ADGRL2: variants seen among roughly 807,000 people sequenced by gnomAD.
The protein encoded by ADGRL2 is calcium-independent alpha-latrotoxin receptor 2.
In ADGRL2, 44 loss-of-function variants were observed where a neutral mutation model predicts 157.4. That is an observed-to-expected ratio of 0.28 (90% CI 0.22 to 0.36). The LOEUF (loss-of-function observed/expected upper bound fraction) is 0.36. ADGRL2 is among the 10% of genes least tolerant of loss of function. ADGRL2 has a pLI of 1.00. For missense variants in ADGRL2, 1,510 were observed against 1,768.9 expected (o/e 0.85, Z 2.63); for synonymous variants, 585 against 624.7 (o/e 0.94, Z 0.95).
chr1:81,964,247 A>C (rs1656387104), intron 11 of ADGRL2, among the ~76,000 whole-genome samples: 1 of 152,074 alleles, frequency 6.6e-6, no homozygotes, highest in South Asian at 2.1e-4. Flanking sequence ...TTGTACATGT[A>C]TATCTATGTT....
At chr1:81,823,374 C>A (rs576244011) in intron 1 of ADGRL2, among the ~76,000 whole-genome samples, 145 of 125,750 alleles carry the variant, frequency 1.2e-3, no homozygotes, top group African/African-American at 4.1e-3. Context: ...TTCCCTCCCC[C>A]CTCCCTCTTT....
At chr1:81,842,375 T>C (rs201673692) in intron 2 of ADGRL2, among the ~76,000 whole-genome samples, 1 of 139,252 alleles carries the variant, frequency 7.2e-6, no homozygotes, top group South Asian at 2.3e-4. Flanking sequence ...TTTTTTTTTT[T>C]AAGATGGAGT....
intron 1 of ADGRL2, among the ~76,000 whole-genome samples, chr1:81,408,221 C>T (rs1417400579): frequency 6.6e-6 from 1 of 152,138 alleles, no homozygotes; most frequent in Non-Finnish European, 1.5e-5. Flanking sequence ...CTTATACAAG[C>T]TAATCTAATA....
intron 2 of ADGRL2, among the ~76,000 whole-genome samples, chr1:81,496,617 A>C (rs976456527): frequency 6.6e-6 from 1 of 152,160 alleles, no homozygotes; most frequent in African/African-American, 2.4e-5. Flanking sequence ...TATGGATAGA[A>C]TGCAAATACT....
At chr1:81,314,137 T>C (rs1382224726) in intron 1 of ADGRL2, among the ~76,000 whole-genome samples, 2 of 152,236 alleles carry the variant, frequency 1.3e-5, no homozygotes, top group Non-Finnish European at 2.9e-5. Flanking sequence ...TGAAAGTACA[T>C]GCTTGTGCCA....
At chr1:81,729,440 A>G (rs987200664) in intron 1 of ADGRL2, among the ~76,000 whole-genome samples, 1 of 152,176 alleles carries the variant, frequency 6.6e-6, no homozygotes, top group Non-Finnish European at 1.5e-5. Context: ...CTGACTTTGC[A>G]AAATTAAATA....
intron 3 of ADGRL2, among the ~76,000 whole-genome samples, chr1:81,651,605 C>T (rs1198361468): frequency 6.6e-6 from 1 of 152,132 alleles, no homozygotes; most frequent in African/African-American, 2.4e-5. Context: ...AGGGTTTCAC[C>T]ACTCTTAAAC....
intron 2 of ADGRL2, among the ~76,000 whole-genome samples, chr1:81,864,041 C>A (rs370025078): frequency 2.6e-5 from 4 of 152,102 alleles, no homozygotes; most frequent in Admixed American, 2.6e-4. Flanking sequence ...TTTTTCTTCA[C>A]GGACACTAAA....
chr1:81,690,133 A>T (rs771866143), intron 3 of ADGRL2, among the ~76,000 whole-genome samples: 12 of 152,162 alleles, frequency 7.9e-5, no homozygotes, highest in African/African-American at 1.2e-4. Flanking sequence ...TGTAACCCAT[A>T]CTATCAACAG....
rs571813467 is a variant in ADGRL2, at chr1:81,993,541, C to T, written c.*2396C>T. On this transcript the variant is annotated 3_prime_UTR_variant, in exon 24 of 24. Transcript: ENST00000686636. The stretch of plus-strand genomic sequence containing the variant: ...TACCTAAATGGCTACTGTTCTCTAA[C>T]GTCTTTATCCTATGGATTCAATTTG... Among the ~76,000 whole-genome samples, 26 of 152,182 alleles carry T rather than the reference C, an allele frequency of 1.7e-4. No individual in the cohort carries two copies. Among genetic ancestry groups the T allele is most frequent in the South Asian group, 6.2e-4 (3 of 4,820 alleles).
chr1:81,673,652 C>T (rs2082922305), intron 3 of ADGRL2, among the ~76,000 whole-genome samples: 1 of 151,516 alleles, frequency 6.6e-6, no homozygotes, highest in African/African-American at 2.4e-5. Flanking sequence ...GGAGCTGGGA[C>T]TACAGGCGCC....
chr1:81,612,102 G>A (rs1439570509), intron 3 of ADGRL2, among the ~76,000 whole-genome samples: 1 of 152,098 alleles, frequency 6.6e-6, no homozygotes, highest in African/African-American at 2.4e-5. Context: ...TATCTTTATA[G>A]CAGTATGAAA....
chr1:81,739,375 G>T (rs1171016983), intron 1 of ADGRL2, among the ~76,000 whole-genome samples: 3 of 152,176 alleles, frequency 2.0e-5, no homozygotes, highest in Non-Finnish European at 4.4e-5. Context: ...AACAGTACCA[G>T]CATATAGTAA....
At chr1:81,616,598 T>G (rs2081651776) in intron 3 of ADGRL2, among the ~76,000 whole-genome samples, 1 of 152,090 alleles carries the variant, frequency 6.6e-6, no homozygotes, top group Non-Finnish European at 1.5e-5. Context: ...TCCTCTCACT[T>G]TCCATCTGAG....
intron 3 of ADGRL2, among the ~76,000 whole-genome samples, chr1:81,663,636 T>C (rs1014557639): frequency 7.9e-5 from 12 of 152,182 alleles, no homozygotes; most frequent in Admixed American, 6.5e-4. Context: ...TAACCTATCA[T>C]TGTAATTTGG....
intron 2 of ADGRL2, among the ~76,000 whole-genome samples, chr1:81,459,812 G>GTATATATA (rs71085362): frequency 1.4e-5 from 2 of 144,668 alleles, no homozygotes; most frequent in African/African-American, 5.1e-5. Context: ...GTATGTGTTT[G>GTATATATA]TATATATATA....
chr1:81,833,797 T>C (rs2092110881), intron 1 of ADGRL2, among the ~76,000 whole-genome samples: 1 of 152,192 alleles, frequency 6.6e-6, no homozygotes, highest in South Asian at 2.1e-4. Context: ...TGAGGGCTGT[T>C]GGGATATACA....
In ADGRL2 at chr1:81,735,309, T is replaced by A. The variant is rs1287434174; in HGVS notation, c.-142-26502T>A. On this transcript the variant is annotated intron_variant, in intron 1 of 20. Transcript: ENST00000359929. Reference sequence around the variant, plus strand: ...CCTCCATGACTGTGAGAGAATAAATTTCTGTTGTTTTAAGCCACCCAGTTT... The same window carrying A: ...CCTCCATGACTGTGAGAGAATAAATATCTGTTGTTTTAAGCCACCCAGTTT... 2.7e-5 allele frequency: 4 copies of A among 148,166 alleles called. No homozygotes were observed. The Admixed American group carries it at 2.7e-4, about 10-fold the overall frequency. The allele number at this position is 148,166 out of a possible 1,614,324, so 9.2% of individuals were successfully genotyped here. A position where few individuals can be genotyped will look rare whatever the true frequency, so the allele number is the denominator to read the frequency against.
intron 2 of ADGRL2, among the ~76,000 whole-genome samples, chr1:81,572,700 G>T (rs1313326401): frequency 6.6e-6 from 1 of 151,920 alleles, no homozygotes; most frequent in African/African-American, 2.4e-5. Context: ...TTACTAAAGT[G>T]GTTTAAGGAG....
Sources: allele counts gnomAD v4.1 joint callset (sites outside exome capture counted in the v4.1 genomes callset), GRCh38; gene constraint gnomAD v4.1.1; transcripts MANE v1.5; gene names NCBI Gene and HGNC (gene_info 2026-07-23, HGNC 2026-07-21).